The following GABRA1 variants were observed in gnomAD, a reference collection of about 807,000 sequenced individuals.
GABRA1 encodes the protein gamma-aminobutyric acid receptor subunit alpha-1.
In GABRA1, 9 loss-of-function variants were observed where a neutral mutation model predicts 48.9. The ratio of observed to expected loss-of-function variants is 0.18; its 90% CI spans 0.11 to 0.32. GABRA1 has a LOEUF of 0.32. Among genes scored for constraint, GABRA1 ranks in the 10% least tolerant of loss-of-function variants. The pLI is 1.00. For missense variants in GABRA1, 285 were observed against 553.8 expected (o/e 0.51, Z 4.87); for synonymous variants, 210 against 198.7 (o/e 1.06, Z -0.48).
Position 161,883,406 on chromosome 5 carries a change from G to A in GABRA1, c.703+705G>A, listed in dbSNP as rs987586146. Among the ~76,000 whole-genome samples the A allele has an allele frequency of 3.9e-5, 6 of 152,132 alleles. No homozygotes were observed. In the East Asian group the frequency reaches 9.7e-4, roughly 25 times the overall value. On this transcript the variant is annotated intron_variant, in intron 7 of 9. Coordinates refer to ENST00000393943, the MANE Select transcript of GABRA1 (RefSeq NM_001127644.2). ...TAGACCTGACACTGTGGAAAAGCTG[G>A]ACCCACATCTTTAAAGTTGTTTCGA... is the stretch of plus-strand genomic sequence containing the variant.
At chr5:161,878,502 A>G (rs1170568171) in intron 6 of GABRA1, among the ~76,000 whole-genome samples, 1 of 152,214 alleles carries the variant, frequency 6.6e-6, no homozygotes, top group Non-Finnish European at 1.5e-5. Context: ...GGAGTTTTCA[A>G]TAATTTAGTG....
At chr5:161,891,109 T>A in intron 8 of GABRA1, 59 bp downstream of exon 8, 1 of 1,449,216 alleles carries the variant, frequency 6.9e-7, no homozygotes, top group Non-Finnish European at 9.7e-7. Context: ...TTATGTCATA[T>A]CTGTGACACT....
At chr5:161,857,341 CT>C (rs1195572581) in intron 3 of GABRA1, among the ~76,000 whole-genome samples, 2 of 151,416 alleles carry the variant, frequency 1.3e-5, no homozygotes, top group Non-Finnish European at 3.0e-5. Context: ...CAAGAAACTC[CT>C]GTATTTGCAA....
intron 1 of GABRA1, 133 bp from the exon 2 acceptor site, chr5:161,850,663 A>G (rs777580346): frequency 1.4e-6 from 1 of 727,458 alleles, no homozygotes; most frequent in Non-Finnish European, 2.5e-6. Flanking sequence ...ATTGCTTCCA[A>G]TGAGGTGTCA....
At chr5:161,890,836 C>T (rs1755057017) in intron 7 of GABRA1, 62 bp from the exon 8 acceptor site, 18 of 1,477,268 alleles carry the variant, frequency 1.2e-5, no homozygotes, top group Non-Finnish European at 1.5e-5. Context: ...CATAGTAAAC[C>T]TCAGAGATTA....
At chr5:161,882,853 AGACCTGT>A in intron 7 of GABRA1, 152 bp downstream of exon 7, 1 of 784,458 alleles carries the variant, frequency 1.3e-6, no homozygotes, top group South Asian at 1.5e-5. Flanking sequence ...TAAACTCGGT[AGACCTGT>A]GACCTTGGAC....
intron 5 of GABRA1, among the ~76,000 whole-genome samples, chr5:161,874,581 T>C (rs944326567): frequency 2.6e-5 from 4 of 152,150 alleles, no homozygotes; most frequent in Non-Finnish European, 4.4e-5. Flanking sequence ...GTATACAGTG[T>C]TCTTCATCTG....
At chr5:161,869,097 G>T (rs1753998656) in intron 4 of GABRA1, among the ~76,000 whole-genome samples, 1 of 152,084 alleles carries the variant, frequency 6.6e-6, no homozygotes, top group East Asian at 1.9e-4. Flanking sequence ...CATTATAGGA[G>T]AATTGTGTAC....
chr5:161,852,125 C>T (rs549645617), intron 2 of GABRA1, among the ~76,000 whole-genome samples: 4 of 148,780 alleles, frequency 2.7e-5, no homozygotes, highest in Non-Finnish European at 5.9e-5. Context: ...TAAAAAATCA[C>T]GTAAAATAAA....
Position 161,876,433 on chromosome 5 carries a change from C to T in GABRA1, c.559+791C>T, listed in dbSNP as rs569396018. Among the ~76,000 whole-genome samples the T allele has an allele frequency of 1.9e-4, 29 of 152,192 alleles. No individual in the cohort carries two copies. In the South Asian group the frequency reaches 5.8e-3, roughly 30 times the overall value. On this transcript the variant is annotated intron_variant, in intron 6 of 9. Transcript: ENST00000393943. ...GGGGAGTTATGTACAAGGACTGAGT[C>T]AACTCCTGGACTACCTAACCGATTT...
intron 7 of GABRA1, among the ~76,000 whole-genome samples, 169 bp downstream of exon 7, chr5:161,882,870 C>T (rs1276215312): frequency 6.6e-6 from 1 of 152,144 alleles, no homozygotes; most frequent in Non-Finnish European, 1.5e-5. Flanking sequence ...TGACCTTGGA[C>T]ATGTCATTTA....
intron 8 of GABRA1, among the ~76,000 whole-genome samples, chr5:161,892,836 C>T (rs1190975083): frequency 6.6e-6 from 1 of 151,822 alleles, no homozygotes; most frequent in Non-Finnish European, 1.5e-5. Context: ...AACCCCGTCT[C>T]TACTAAAAAT....
intron 6 of GABRA1, among the ~76,000 whole-genome samples, chr5:161,880,493 T>A (rs767343756): frequency 6.6e-6 from 1 of 152,208 alleles, no homozygotes; most frequent in Non-Finnish European, 1.5e-5. Context: ...CTTTCATTTT[T>A]AAGACCATGA....
At chr5:161,884,965 G>A (rs912503847) in intron 7 of GABRA1, among the ~76,000 whole-genome samples, 9 of 152,210 alleles carry the variant, frequency 5.9e-5, no homozygotes, top group South Asian at 4.1e-4. Flanking sequence ...GAAAAAATAC[G>A]CAGTCATTTA....
At chr5:161,888,293 CA>C (rs1754938258) in intron 7 of GABRA1, among the ~76,000 whole-genome samples, 1 of 152,044 alleles carries the variant, frequency 6.6e-6, no homozygotes, top group Admixed American at 6.6e-5. Flanking sequence ...AAAGCTATTA[CA>C]ACATGATTCT....
At chr5:161,884,964 C>T (rs566171456) in intron 7 of GABRA1, among the ~76,000 whole-genome samples, 172 of 152,192 alleles carry the variant, frequency 1.1e-3, no homozygotes, top group African/African-American at 3.9e-3. Flanking sequence ...AGAAAAAATA[C>T]GCAGTCATTT....
chr5:161,876,777 GTAA>G (rs750513660), intron 6 of GABRA1, among the ~76,000 whole-genome samples: 3 of 152,026 alleles, frequency 2.0e-5, no homozygotes, highest in Non-Finnish European at 1.5e-5. Flanking sequence ...AGATCCATTT[GTAA>G]TAATGACAAT....
At chr5:161,891,664 T>G (rs1755096724) in intron 8 of GABRA1, among the ~76,000 whole-genome samples, 1 of 152,202 alleles carries the variant, frequency 6.6e-6, no homozygotes, top group African/African-American at 2.4e-5. Context: ...GAAAACTTAT[T>G]TCCTCATGTA....
intron 3 of GABRA1, among the ~76,000 whole-genome samples, chr5:161,863,203 G>A (rs946379835): frequency 6.6e-6 from 1 of 151,790 alleles, no homozygotes; most frequent in South Asian, 2.1e-4. Flanking sequence ...TAAAAGTGAG[G>A]ATGTGGTTTG....
Sources: allele counts gnomAD v4.1 joint callset (sites outside exome capture counted in the v4.1 genomes callset), GRCh38; gene constraint gnomAD v4.1.1; transcripts MANE v1.5; gene names NCBI Gene and HGNC (gene_info 2026-07-23, HGNC 2026-07-21).